The following DPT variants were observed in gnomAD, a reference collection of about 807,000 sequenced individuals.
DPT encodes dermatopontin, also known as tyrosine-rich acidic matrix protein.
DPT carries 21 observed loss-of-function variants against 31.2 expected under a neutral mutation model. That is an observed-to-expected ratio of 0.67 (90% CI 0.48 to 0.97). The LOEUF (loss-of-function observed/expected upper bound fraction) is 0.97, where lower values mean the gene tolerates loss of function less well. Among genes scored for constraint, DPT ranks in the 50% least tolerant of loss-of-function variants. The pLI, the probability that DPT is intolerant of heterozygous loss-of-function variation, is 0.00. For synonymous variants in DPT, 91 were observed against 86.9 expected, an observed-to-expected ratio of 1.05 and a Z score of -0.26; for missense variants, 262 against 258.8, an observed-to-expected ratio of 1.01 and a Z score of -0.08.
chr1:168,708,837 C>A (rs2101903515), intron 2 of DPT, among the ~76,000 whole-genome samples: 1 of 152,274 alleles, frequency 6.6e-6, no homozygotes, highest in South Asian at 2.1e-4. Flanking sequence ...AGTGAACATG[C>A]AAACACTCCC....
intron 2 of DPT, among the ~76,000 whole-genome samples, chr1:168,710,871 T>C (rs1345195005): frequency 1.3e-5 from 2 of 152,160 alleles, no homozygotes; most frequent in South Asian, 2.1e-4. Flanking sequence ...CAAGAAGCAA[T>C]GCTCAGAGTG....
At chr1:168,697,016 T>G (rs1201618868) in intron 3 of DPT, among the ~76,000 whole-genome samples, 2 of 152,040 alleles carry the variant, frequency 1.3e-5, no homozygotes. Context: ...AATCCTAGCA[T>G]TTTGGGAGGC....
In DPT at chr1:168,696,768, A is replaced by G. The variant is rs75686160; in HGVS notation, c.540-153T>C. The stretch of plus-strand genomic sequence containing the variant: ...TTGCTCTTAGAAGACATCTTTATGC[A>G]GTTTCCCAAGAACCGACAAATCTGT... On this transcript the variant is annotated intron_variant, in intron 3 of 3. Coordinates refer to ENST00000367817, the MANE Select transcript of DPT (RefSeq NM_001937.5). Among the ~76,000 whole-genome samples, 694 of 152,264 alleles carry G rather than the reference A, an allele frequency of 4.6e-3. 5 individuals are homozygous for G. Among genetic ancestry groups the G allele is most frequent in the African/African-American group, 0.015 (644 of 41,552 alleles).
chr1:168,708,004 T>G (rs1258632229), intron 2 of DPT, among the ~76,000 whole-genome samples: 3 of 152,124 alleles, frequency 2.0e-5, no homozygotes, highest in Non-Finnish European at 4.4e-5. Flanking sequence ...GATACCAAAA[T>G]TTTCAGAAAC....
chr1:168,718,800 A>G (rs1292167874), intron 1 of DPT, among the ~76,000 whole-genome samples: 2 of 152,230 alleles, frequency 1.3e-5, no homozygotes, highest in Non-Finnish European at 2.9e-5. Flanking sequence ...CCTGGGATTA[A>G]TAAATTGCTT....
At chr1:168,720,531 G>C (rs1034841674) in intron 1 of DPT, among the ~76,000 whole-genome samples, 2 of 152,298 alleles carry the variant, frequency 1.3e-5, no homozygotes, top group Non-Finnish European at 2.9e-5. Flanking sequence ...GTAAAAGGAA[G>C]CAGCACCATC....
At chr1:168,702,826 G>T (rs943496531) in intron 2 of DPT, among the ~76,000 whole-genome samples, 1 of 151,992 alleles carries the variant, frequency 6.6e-6, no homozygotes, top group Non-Finnish European at 1.5e-5. Context: ...TGGCCAGGCT[G>T]GTCTGGAACT....
intron 2 of DPT, among the ~76,000 whole-genome samples, chr1:168,711,088 G>A (rs1649847314): frequency 6.6e-6 from 1 of 150,574 alleles, no homozygotes; most frequent in Non-Finnish European, 1.5e-5. Flanking sequence ...TCGGCTCACT[G>A]CGAGCTCCAC....
At chr1:168,728,683 T>A (rs1477112543) in intron 1 of DPT, among the ~76,000 whole-genome samples, 187 bp downstream of exon 1, 2 of 151,982 alleles carry the variant, frequency 1.3e-5, no homozygotes. Context: ...CCATCCCAGG[T>A]TTTTGTCCTG....
At chr1:168,703,082 G>T (rs74122757) in intron 2 of DPT, among the ~76,000 whole-genome samples, 3,962 of 152,112 alleles carry the variant, frequency 0.026, 181 homozygotes, top group African/African-American at 0.091. Context: ...GGTGGGAGGG[G>T]GTGTGTGTTT....
intron 1 of DPT, among the ~76,000 whole-genome samples, chr1:168,724,719 A>G (rs949214770): frequency 6.6e-6 from 1 of 151,836 alleles, no homozygotes; most frequent in African/African-American, 2.4e-5. Flanking sequence ...ACTGCCCTGA[A>G]CTACACTGAG....
At chr1:168,715,971 A>G (rs530424416) in intron 1 of DPT, among the ~76,000 whole-genome samples, 1 of 152,366 alleles carries the variant, frequency 6.6e-6, no homozygotes, top group South Asian at 2.1e-4. Flanking sequence ...ATAAGTTTTC[A>G]GAAAATATAA....
At chr1:168,709,093 G>A (rs976257713) in intron 2 of DPT, among the ~76,000 whole-genome samples, 1 of 152,156 alleles carries the variant, frequency 6.6e-6, no homozygotes, top group Non-Finnish European at 1.5e-5. Flanking sequence ...TTACCTAAAT[G>A]GATGCATTAT....
chr1:168,703,477 C>T (rs1484384020), intron 2 of DPT, among the ~76,000 whole-genome samples: 3 of 152,176 alleles, frequency 2.0e-5, no homozygotes, highest in Non-Finnish European at 4.4e-5. Context: ...CAGACATAAG[C>T]CCCCTGTCTA....
At chr1:168,701,164 A>C in intron 2 of DPT, 40 bp from the exon 3 acceptor site, 1 of 1,451,694 alleles carries the variant, frequency 6.9e-7, no homozygotes, top group Non-Finnish European at 9.7e-7. Context: ...AATGAAACAC[A>C]TTATTATTGC....
chr1:168,727,196 G>A (rs959857780), intron 1 of DPT, among the ~76,000 whole-genome samples: 2 of 152,194 alleles, frequency 1.3e-5, no homozygotes, highest in Non-Finnish European at 2.9e-5. Context: ...TCAGGAGCCC[G>A]TCACTGTGGC....
chr1:168,712,957 C>A (rs1165596014), intron 2 of DPT, among the ~76,000 whole-genome samples: 1 of 151,772 alleles, frequency 6.6e-6, no homozygotes, highest in Admixed American at 6.6e-5. Flanking sequence ...AGGTGGTCAT[C>A]ATTTTAGGTG....
At chr1:168,728,319 G>T (rs1223640609) in intron 1 of DPT, among the ~76,000 whole-genome samples, 1 of 152,158 alleles carries the variant, frequency 6.6e-6, no homozygotes, top group Non-Finnish European at 1.5e-5. Context: ...ACTTTCTTTT[G>T]CCTAAATGTC....
chr1:168,696,478 A>C lies in DPT; in HGVS notation c.*71T>G. ...GAAACTTCTATAGGAGATCCAACTG[A>C]TGTTAACATATGTGGACACCCTCCT... On this transcript the variant is annotated 3_prime_UTR_variant, in exon 4 of 4. Transcript: ENST00000367817. The C allele has an allele frequency of 1.5e-6, 2 of 1,321,040 alleles. No homozygotes were observed. The highest frequency in any genetic ancestry group is 2.1e-6 in the Non-Finnish European group (2 of 939,802). The allele number at this position is 1,321,040 out of a possible 1,614,324, so 81.8% of individuals were successfully genotyped here.
Sources: gnomAD v4.1 joint callset for allele counts (sites outside exome capture counted in the v4.1 genomes callset) on GRCh38, gnomAD v4.1.1 for gene constraint, MANE v1.5 for transcripts, NCBI Gene and HGNC (gene_info 2026-07-23, HGNC 2026-07-21) for gene names.